The following CLDN10 variants were observed in gnomAD, a reference collection of about 807,000 sequenced individuals.
CLDN10 encodes claudin-10.
A neutral mutation model predicts 22.9 loss-of-function variants in CLDN10; 15 were observed. The observed-to-expected ratio is 0.65, with a 90% CI of 0.44 to 1.01. The LOEUF (loss-of-function observed/expected upper bound fraction) is 1.01, where lower values mean the gene tolerates loss of function less well. CLDN10 is among the 50% of genes least tolerant of loss of function. CLDN10 has a pLI of 0.00. For missense variants in CLDN10, 247 were observed against 287.8 expected, an observed-to-expected ratio of 0.86 and a Z score of 1.03; for synonymous variants, 114 against 111.4, an observed-to-expected ratio of 1.02 and a Z score of -0.15.
At chr13:95,493,121 A>T (rs1478334809) in intron 1 of CLDN10, among the ~76,000 whole-genome samples, 1 of 151,818 alleles carries the variant, frequency 6.6e-6, no homozygotes, top group East Asian at 1.9e-4. Context: ...CTGGAGGGTT[A>T]TTCTCCAGCT....
chr13:95,489,493 T>C (rs2042846139), intron 1 of CLDN10, among the ~76,000 whole-genome samples: 1 of 152,224 alleles, frequency 6.6e-6, no homozygotes, highest in African/African-American at 2.4e-5. Flanking sequence ...TTGAGCATTC[T>C]TTCATATGTT....
intron 1 of CLDN10, among the ~76,000 whole-genome samples, chr13:95,449,833 T>C (rs79018553): frequency 0.082 from 12,218 of 149,248 alleles, 721 homozygotes; most frequent in South Asian, 0.22. Flanking sequence ...AAGCTCCGCC[T>C]CCCGGGTTCA....
At chr13:95,457,255 A>T (rs560235580) in intron 1 of CLDN10, among the ~76,000 whole-genome samples, 1 of 152,286 alleles carries the variant, frequency 6.6e-6, no homozygotes, top group East Asian at 1.9e-4. Flanking sequence ...TTCAGCATTA[A>T]TAAGTTACTA....
intron 1 of CLDN10, among the ~76,000 whole-genome samples, chr13:95,449,739 A>T (rs1224553458): frequency 2.3e-5 from 3 of 132,740 alleles, no homozygotes; most frequent in African/African-American, 2.7e-5. Flanking sequence ...TAATTTTTAA[A>T]TTTTTTTTTT....
rs551155651 is a variant in CLDN10, at chr13:95,547,221, C to G, written c.215-12911C>G. Among the ~76,000 whole-genome samples, 8 of 152,082 alleles carry G rather than the reference C, an allele frequency of 5.3e-5. No homozygotes were observed. In the East Asian group the frequency reaches 1.5e-3, roughly 29 times the overall value. On this transcript the variant is annotated intron_variant, in intron 1 of 4. Transcript: ENST00000376873. ...AACTGTCCTCCAGTTTTATTTCTCA[C>G]TTTCCTTTGCAAGCGCCTCACTCCC...
intron 1 of CLDN10, among the ~76,000 whole-genome samples, chr13:95,458,222 G>A (rs1028729092): frequency 2.0e-5 from 3 of 152,208 alleles, no homozygotes; most frequent in African/African-American, 7.2e-5. Flanking sequence ...ATTGGTCAAA[G>A]CAAGTCATAT....
intron 3 of CLDN10, among the ~76,000 whole-genome samples, chr13:95,568,767 G>A (rs1365855115): frequency 6.6e-6 from 1 of 152,176 alleles, no homozygotes; most frequent in Non-Finnish European, 1.5e-5. Context: ...TAAATCTGCA[G>A]TGGTGTAGGA....
At chr13:95,434,957 T>C (rs1312687363) in intron 1 of CLDN10, among the ~76,000 whole-genome samples, 1 of 152,076 alleles carries the variant, frequency 6.6e-6, no homozygotes, top group Non-Finnish European at 1.5e-5. Context: ...AAGAAAAATT[T>C]GAAAGCGGTT....
chr13:95,548,481 C>CAA (rs202086060), upstream of CLDN10, among the ~76,000 whole-genome samples: 2 of 151,240 alleles, frequency 1.3e-5, no homozygotes, highest in African/African-American at 4.9e-5. Flanking sequence ...TTATAATTTG[C>CAA]AAAAAAAATT....
intron 1 of CLDN10, among the ~76,000 whole-genome samples, chr13:95,455,341 G>T (rs894273900): frequency 5.9e-5 from 9 of 152,222 alleles, no homozygotes; most frequent in African/African-American, 2.2e-4. Flanking sequence ...TTCCCACAGA[G>T]GGTGTTTAAT....
At chr13:95,466,641 A>G (rs1300499840) in intron 1 of CLDN10, among the ~76,000 whole-genome samples, 1 of 152,208 alleles carries the variant, frequency 6.6e-6, no homozygotes, top group East Asian at 1.9e-4. Context: ...TTAGGAGGCA[A>G]GTGGAAATAT....
chr13:95,561,976 C>G (rs962924251), intron 3 of CLDN10, among the ~76,000 whole-genome samples: 1 of 151,108 alleles, frequency 6.6e-6, no homozygotes, highest in Non-Finnish European at 1.5e-5. Flanking sequence ...GTTGCCCAAG[C>G]TGGAGTGCAG....
intron 1 of CLDN10, among the ~76,000 whole-genome samples, chr13:95,554,246 C>G (rs1414044279): frequency 6.6e-6 from 1 of 152,134 alleles, no homozygotes; most frequent in Admixed American, 6.5e-5. Context: ...GAGCACGCAT[C>G]CAGGTAGATG....
chr13:95,503,185 C>A (rs1291443366), intron 1 of CLDN10, among the ~76,000 whole-genome samples: 2 of 151,936 alleles, frequency 1.3e-5, no homozygotes, highest in Non-Finnish European at 2.9e-5. Context: ...GATCTCAAGA[C>A]AGAAGCCAGA....
chr13:95,497,963 A>G (rs1056478516), intron 1 of CLDN10, among the ~76,000 whole-genome samples: 2 of 152,222 alleles, frequency 1.3e-5, no homozygotes, highest in Non-Finnish European at 2.9e-5. Flanking sequence ...TTAAAATAAA[A>G]ACACAACAAA....
At chr13:95,542,028 T>A (rs2043464980) in intron 1 of CLDN10, among the ~76,000 whole-genome samples, 1 of 152,198 alleles carries the variant, frequency 6.6e-6, no homozygotes, top group Admixed American at 6.5e-5. Context: ...CTCAGGAAAC[T>A]CACAATCATT....
intron 1 of CLDN10, among the ~76,000 whole-genome samples, chr13:95,492,660 C>A (rs1040549820): frequency 1.3e-5 from 2 of 152,156 alleles, no homozygotes; most frequent in Admixed American, 6.5e-5. Flanking sequence ...CAGATTCATG[C>A]TCTCCCCTAG....
chr13:95,466,458 C>T (rs2042582084), intron 1 of CLDN10, among the ~76,000 whole-genome samples: 2 of 151,952 alleles, frequency 1.3e-5, no homozygotes, highest in South Asian at 2.1e-4. Context: ...CAGTGAGAAC[C>T]CATTGGAGCT....
At chr13:95,474,704 A>G (rs775153183) in intron 1 of CLDN10, among the ~76,000 whole-genome samples, 1 of 152,260 alleles carries the variant, frequency 6.6e-6, no homozygotes, top group Non-Finnish European at 1.5e-5. Context: ...GAGGAAACCC[A>G]TATGTAGAAA....
Sources: allele counts gnomAD v4.1 joint callset (sites outside exome capture counted in the v4.1 genomes callset), GRCh38; gene constraint gnomAD v4.1.1; transcripts MANE v1.5; gene names NCBI Gene and HGNC (gene_info 2026-07-23, HGNC 2026-07-21).